The following FAR2 variants were observed in gnomAD, a reference collection of about 807,000 sequenced individuals.
The protein encoded by FAR2 is epididymis secretory protein Li 81.
FAR2 carries 19 observed loss-of-function variants against 56.0 expected under a neutral mutation model. The observed-to-expected ratio is 0.34, with a 90% CI of 0.24 to 0.50. The LOEUF (loss-of-function observed/expected upper bound fraction) is 0.50, where lower values mean the gene tolerates loss of function less well. FAR2 is among the 20% of genes least tolerant of loss of function. The probability of loss-of-function intolerance (pLI) is 0.98; values close to 1 mark genes in which losing one functional copy is unlikely to be tolerated. For missense variants in FAR2, 508 were observed against 642.2 expected (o/e 0.79, Z 2.26); for synonymous variants, 219 against 218.8 (o/e 1.00, Z -0.01).
rs1363951257 is a variant in FAR2 at position 29,321,839 on chromosome 12, T to C, written c.1172T>C (p.Leu391Ser). Residue 391 changes from leucine (L) to serine (S), a missense_variant, in exon 10 of 12, where the codon TTG (leucine) becomes TCG (serine). Transcript: ENST00000536681. ...CGGCTTTTAAGAACTGTTTCCATGTTGGAGTATTTCATCAACCGGAGTTGG... is the reference window on the plus strand; with the variant it reads ...CGGCTTTTAAGAACTGTTTCCATGTCGGAGTATTTCATCAACCGGAGTTGG... Reference protein sequence around the residue: ...MNRLLRTVSMLEYFINRSWEW... With the variant: ...MNRLLRTVSMSEYFINRSWEW... 1.2e-6 allele frequency: 2 copies of C among 1,613,942 alleles called. No homozygotes were observed. Among genetic ancestry groups the C allele is most frequent in the South Asian group, 1.1e-5 (1 of 91,070 alleles).
intron 1 of FAR2, among the ~76,000 whole-genome samples, chr12:29,194,529 A>ACG (rs1280125201): frequency 6.8e-6 from 1 of 146,712 alleles, no homozygotes; most frequent in Non-Finnish European, 1.5e-5. Flanking sequence ...TGCCACACAC[A>ACG]CACACACACA....
At chr12:29,169,455 C>T (rs1004390130) in intron 1 of FAR2, among the ~76,000 whole-genome samples, 2 of 152,022 alleles carry the variant, frequency 1.3e-5, no homozygotes, top group East Asian at 1.9e-4. Flanking sequence ...GGCCTGAAGG[C>T]GAGTAATAGC....
chr12:29,296,954 G>A, intron 3 of FAR2, 67 bp from the exon 4 acceptor site: 3 of 1,413,166 alleles, frequency 2.1e-6, no homozygotes, highest in Non-Finnish European at 2.9e-6. Context: ...ATTGGAGTAG[G>A]TGCAGTTATA....
At chr12:29,276,879 A>G (rs1948709731) in intron 2 of FAR2, among the ~76,000 whole-genome samples, 1 of 151,140 alleles carries the variant, frequency 6.6e-6, no homozygotes, top group South Asian at 2.1e-4. Context: ...TCTAGATTAT[A>G]TATATATATG....
At chr12:29,213,688 T>G (rs1390684737) in intron 1 of FAR2, among the ~76,000 whole-genome samples, 1 of 42,432 alleles carries the variant, frequency 2.4e-5, no homozygotes, top group African/African-American at 7.0e-5. Flanking sequence ...AGACTCTGTC[T>G]CAAAAAAAAA....
rs565428402 is a variant in FAR2 at position 29,266,312 on chromosome 12, G to A, written c.-38-4100G>A. On this transcript the variant is annotated intron_variant, in intron 1 of 11. Coordinates refer to ENST00000536681, the MANE Select transcript of FAR2 (RefSeq NM_001271783.2). ...GAAAATGTGGTAAATATACACAATG[G>A]AGTACTATTCAGCCATAAAAAGAAT... 6.5e-4 allele frequency among the ~76,000 whole-genome samples: 99 copies of A among 152,250 alleles called. No individual in the cohort carries two copies. The South Asian group carries it at 0.02, about 31-fold the overall frequency.
At chr12:29,252,713 A>G (rs1431228461) in intron 1 of FAR2, among the ~76,000 whole-genome samples, 1 of 152,198 alleles carries the variant, frequency 6.6e-6, no homozygotes, top group Non-Finnish European at 1.5e-5. Context: ...TATGCAGGAT[A>G]GTTGTATTTA....
At chr12:29,330,582 A>C (rs1949717279) in intron 10 of FAR2, among the ~76,000 whole-genome samples, 1 of 152,214 alleles carries the variant, frequency 6.6e-6, no homozygotes, top group Admixed American at 6.5e-5. Flanking sequence ...ATAAAGGAGA[A>C]AGAATCGAGT....
At chr12:29,235,951 A>T (rs1947935435) in intron 1 of FAR2, among the ~76,000 whole-genome samples, 1 of 152,294 alleles carries the variant, frequency 6.6e-6, no homozygotes, top group South Asian at 2.1e-4. Flanking sequence ...ACAAACAGGT[A>T]CAAGGAATGA....
intron 10 of FAR2, among the ~76,000 whole-genome samples, chr12:29,325,582 C>G (rs570517486): frequency 6.6e-6 from 1 of 152,246 alleles, no homozygotes; most frequent in African/African-American, 2.4e-5. Context: ...AACTAGAACT[C>G]AGGATTAGGA....
At chr12:29,172,451 C>T (rs1449907973) in intron 1 of FAR2, among the ~76,000 whole-genome samples, 1 of 152,202 alleles carries the variant, frequency 6.6e-6, no homozygotes, top group Non-Finnish European at 1.5e-5. Flanking sequence ...GATTGGCCTG[C>T]TCCATTTTCT....
intron 1 of FAR2, among the ~76,000 whole-genome samples, chr12:29,237,433 G>A (rs2136659590): frequency 6.6e-6 from 1 of 152,242 alleles, no homozygotes; most frequent in African/African-American, 2.4e-5. Flanking sequence ...AAAATTGCTG[G>A]TTTTACTTAA....
chr12:29,211,034 C>CAT (rs138153416), intron 1 of FAR2, among the ~76,000 whole-genome samples: 14 of 151,034 alleles, frequency 9.3e-5, no homozygotes, highest in South Asian at 2.1e-4. Context: ...TGTGTGTGTG[C>CAT]ATATATATAT....
intron 1 of FAR2, among the ~76,000 whole-genome samples, chr12:29,231,538 G>A (rs1264467487): frequency 1.3e-5 from 2 of 152,174 alleles, no homozygotes; most frequent in Admixed American, 1.3e-4. Flanking sequence ...GTCAAGGCAG[G>A]AGACATTAAT....
At chr12:29,278,180 C>T (rs1948732010) in intron 2 of FAR2, among the ~76,000 whole-genome samples, 1 of 151,954 alleles carries the variant, frequency 6.6e-6, no homozygotes, top group Non-Finnish European at 1.5e-5. Flanking sequence ...GTCCTCCTGC[C>T]TCAGTCTCCC....
chr12:29,325,980 A>T (rs1949637569), intron 10 of FAR2, among the ~76,000 whole-genome samples: 2 of 152,344 alleles, frequency 1.3e-5, no homozygotes, highest in East Asian at 3.9e-4. Context: ...TTTTGAAAAG[A>T]TCAACAAAAT....
intron 10 of FAR2, among the ~76,000 whole-genome samples, chr12:29,322,720 C>A (rs181314992): frequency 2.0e-5 from 3 of 152,136 alleles, no homozygotes; most frequent in Non-Finnish European, 1.5e-5. Flanking sequence ...CACTAAGAAA[C>A]AATTTTCTAA....
chr12:29,210,701 C>T (rs1947534853), intron 1 of FAR2, among the ~76,000 whole-genome samples: 1 of 152,120 alleles, frequency 6.6e-6, no homozygotes. Context: ...TGCCTGTAAT[C>T]CCAGCACTTT....
intron 3 of FAR2, among the ~76,000 whole-genome samples, chr12:29,296,781 C>G (rs192549970): frequency 6.6e-6 from 1 of 152,102 alleles, no homozygotes; most frequent in African/African-American, 2.4e-5. Context: ...ACCAATTGTC[C>G]TCTAGATATA....
Sources: allele counts gnomAD v4.1 joint callset (sites outside exome capture counted in the v4.1 genomes callset), GRCh38; gene constraint gnomAD v4.1.1; transcripts MANE v1.5; gene names NCBI Gene and HGNC (gene_info 2026-07-23, HGNC 2026-07-21).